Variants in RANBP2 observed in about 807,000 individuals in gnomAD.
The protein encoded by RANBP2 is RAN binding protein 2, also known as E3 SUMO-protein ligase RanBP2.
In RANBP2, 57 loss-of-function variants were observed where a neutral mutation model predicts 303.6. That is an observed-to-expected ratio of 0.19 (90% CI 0.15 to 0.23). RANBP2 has a LOEUF of 0.23. Among genes scored for constraint, RANBP2 ranks in the 10% least tolerant of loss-of-function variants. RANBP2 has a pLI of 1.00. For missense variants in RANBP2, 3,138 were observed against 3,780.8 expected, an observed-to-expected ratio of 0.83 and a Z score of 4.46; for synonymous variants, 1,167 against 1,301.5, an observed-to-expected ratio of 0.90 and a Z score of 2.23.
chr2:109,656,358 G>A, the RANBP2 span, among the ~76,000 whole-genome samples: 1 of 151,970 alleles, frequency 6.6e-6, no homozygotes, highest in Non-Finnish European at 1.5e-5. Context: ...GTTTGTTTGA[G>A]ACAAGGTCTT....
chr2:109,656,418 G>C, the RANBP2 span, among the ~76,000 whole-genome samples: 25 of 152,260 alleles, frequency 1.6e-4, no homozygotes, highest in African/African-American at 5.8e-4. Flanking sequence ...GCTCACTGCA[G>C]CCTCTGCCTC....
chr2:109,678,167 T>C, the RANBP2 span, among the ~76,000 whole-genome samples: 1 of 152,268 alleles, frequency 6.6e-6, no homozygotes, highest in East Asian at 1.9e-4. Flanking sequence ...AAGAGTTTTT[T>C]GACCTATTTC....
At chr2:109,719,816 A>G in the RANBP2 span, among the ~76,000 whole-genome samples, 3 of 152,168 alleles carry the variant, frequency 2.0e-5, no homozygotes, top group South Asian at 6.2e-4. Flanking sequence ...ATAAGCATCG[A>G]CCAAGATGAT....
intron 8 of RANBP2, among the ~76,000 whole-genome samples, chr2:108,747,154 G>C (rs1196872492): frequency 2.6e-5 from 4 of 152,208 alleles, no homozygotes; most frequent in Non-Finnish European, 5.9e-5. Flanking sequence ...GGGATATAAA[G>C]ATGAAGAAGA....
the RANBP2 span, among the ~76,000 whole-genome samples, chr2:109,601,163 C>CT: frequency 6.6e-6 from 1 of 152,218 alleles, no homozygotes; most frequent in Admixed American, 6.5e-5. Context: ...GCCCCTCTCC[C>CT]TTTCCTAGAG....
the RANBP2 span, among the ~76,000 whole-genome samples, chr2:109,633,301 G>A: frequency 6.6e-6 from 1 of 152,196 alleles, no homozygotes; most frequent in Non-Finnish European, 1.5e-5. Flanking sequence ...GCTGAGGCAG[G>A]AGAAACACTT....
the RANBP2 span, among the ~76,000 whole-genome samples, chr2:109,731,496 G>A: frequency 2.6e-5 from 4 of 151,944 alleles, no homozygotes; most frequent in East Asian, 7.7e-4. Flanking sequence ...CCAGGTTCAA[G>A]CAATTCTCTT....
the RANBP2 span, among the ~76,000 whole-genome samples, chr2:109,400,385 T>C: frequency 1.3e-5 from 2 of 151,938 alleles, no homozygotes; most frequent in Admixed American, 6.6e-5. Flanking sequence ...CCTACACATA[T>C]ACACATGCAC....
chr2:109,335,916 G>A, the RANBP2 span, among the ~76,000 whole-genome samples: 1 of 152,196 alleles, frequency 6.6e-6, no homozygotes, highest in South Asian at 2.1e-4. Context: ...GAATGAAGCA[G>A]CTCAACAAAA....
chr2:109,324,847 T>C, the RANBP2 span, among the ~76,000 whole-genome samples: 1 of 152,182 alleles, frequency 6.6e-6, no homozygotes, highest in African/African-American at 2.4e-5. Context: ...CTCCTTGAGG[T>C]GTGTGCAAGC....
the RANBP2 span, among the ~76,000 whole-genome samples, chr2:109,684,852 T>TATTAA: frequency 5.7e-4 from 86 of 150,450 alleles, no homozygotes; most frequent in South Asian, 4.2e-3. Flanking sequence ...ATATTTTTAA[T>TATTAA]ATTAAATTAA....
At chr2:109,448,738 C>T in the RANBP2 span, among the ~76,000 whole-genome samples, 80 of 152,264 alleles carry the variant, frequency 5.3e-4, no homozygotes, top group African/African-American at 1.9e-3. Flanking sequence ...AAGTACATAA[C>T]AAATGTAATG....
At chr2:109,347,823 C>A in the RANBP2 span, 1 of 1,614,002 alleles carries the variant, frequency 6.2e-7, no homozygotes, top group East Asian at 2.2e-5. Flanking sequence ...GCACACAGGG[C>A]TTCCTCCCAG....
At chr2:109,704,037 G>T in the RANBP2 span, among the ~76,000 whole-genome samples, 4 of 152,244 alleles carry the variant, frequency 2.6e-5, no homozygotes, top group African/African-American at 4.8e-5. Flanking sequence ...GGCTGAGGGT[G>T]GTGGGTCAAA....
chr2:109,604,905 C>T, the RANBP2 span: 2 of 152,132 alleles, frequency 1.3e-5, no homozygotes, highest in Non-Finnish European at 2.9e-5. Flanking sequence ...GTCCAAGTGA[C>T]TCAAACTAAG....
chr2:109,161,507 G>A, the RANBP2 span, among the ~76,000 whole-genome samples: 54 of 152,214 alleles, frequency 3.5e-4, 1 homozygote, highest in South Asian at 9.9e-3. Context: ...ATCGTAAGGC[G>A]ATGTTTCCTG....
chr2:109,171,834 C>T, the RANBP2 span, among the ~76,000 whole-genome samples: 1 of 152,238 alleles, frequency 6.6e-6, no homozygotes, highest in Non-Finnish European at 1.5e-5. Flanking sequence ...GGCCTGTCAT[C>T]CAGGAATGAA....
the RANBP2 span, among the ~76,000 whole-genome samples, chr2:109,119,566 T>G: frequency 3.1e-3 from 475 of 152,376 alleles, 2 homozygotes; most frequent in African/African-American, 0.01. Flanking sequence ...GACTGTAATT[T>G]AAATAAGGGA....
chr2:108,840,416 T>G, the RANBP2 span, among the ~76,000 whole-genome samples: 2 of 152,302 alleles, frequency 1.3e-5, no homozygotes, highest in East Asian at 3.9e-4. Context: ...GTGTTCATTC[T>G]TTAAACATTT....
Sources: gnomAD v4.1 joint callset for allele counts (sites outside exome capture counted in the v4.1 genomes callset) on GRCh38, gnomAD v4.1.1 for gene constraint, MANE v1.5 for transcripts, NCBI Gene and HGNC (gene_info 2026-07-23, HGNC 2026-07-21) for gene names.